The following SPAG16 variants were observed in gnomAD, a reference collection of about 807,000 sequenced individuals.
The protein encoded by SPAG16 is sperm associated antigen 16.
In SPAG16, 86 loss-of-function variants were observed where a neutral mutation model predicts 80.4. That is an observed-to-expected ratio of 1.07 (90% confidence interval 0.90 to 1.28). The LOEUF is 1.28. Among genes scored for constraint, SPAG16 ranks in the 50% most tolerant of loss-of-function variants. The probability of loss-of-function intolerance (pLI) is 0.00; values close to 1 mark genes in which losing one functional copy is unlikely to be tolerated. For synonymous variants in SPAG16, 294 were observed against 265.9 expected (o/e 1.11, Z -1.03); for missense variants, 870 against 765.3 (o/e 1.14, Z -1.61).
chr2:213,952,931 C>A (rs2043927366), intron 12 of SPAG16, among the ~76,000 whole-genome samples: 2 of 152,048 alleles, frequency 1.3e-5, no homozygotes, highest in South Asian at 4.1e-4. Context: ...CACCAGATAT[C>A]TTAAAATCTC....
intron 9 of SPAG16, among the ~76,000 whole-genome samples, chr2:213,465,402 CTG>C: frequency 6.6e-6 from 1 of 152,106 alleles, no homozygotes; most frequent in Non-Finnish European, 1.5e-5. Flanking sequence ...AAAAGAAATT[CTG>C]TCTGTAAAGA....
intron 15 of SPAG16, among the ~76,000 whole-genome samples, chr2:214,191,152 T>C (rs1447767452): frequency 6.6e-6 from 1 of 152,008 alleles, no homozygotes; most frequent in African/African-American, 2.4e-5. Flanking sequence ...GATCAATCAA[T>C]AGATGGACAG....
At chr2:214,293,267 A>G (rs1008691477) in intron 15 of SPAG16, among the ~76,000 whole-genome samples, 10 of 152,120 alleles carry the variant, frequency 6.6e-5, no homozygotes, top group Non-Finnish European at 1.5e-4. Context: ...TGGAACACCA[A>G]TTCATGTTGG....
At chr2:214,057,857 T>C (rs2050027996) in intron 13 of SPAG16, among the ~76,000 whole-genome samples, 1 of 152,196 alleles carries the variant, frequency 6.6e-6, no homozygotes, top group African/African-American at 2.4e-5. Flanking sequence ...CTTTATGTTA[T>C]GGAGATGGCT....
intron 5 of SPAG16, among the ~76,000 whole-genome samples, chr2:213,339,397 TGAG>T (rs1250873138): frequency 6.6e-6 from 1 of 152,230 alleles, no homozygotes; most frequent in Admixed American, 6.5e-5. Flanking sequence ...TATCTGAGGC[TGAG>T]AACTACTTTT....
At chr2:213,693,663 G>C (rs2065038370) in intron 10 of SPAG16, among the ~76,000 whole-genome samples, 1 of 152,152 alleles carries the variant, frequency 6.6e-6, no homozygotes, top group Non-Finnish European at 1.5e-5. Flanking sequence ...ACTAAGTCAA[G>C]TCAACAGTGG....
At chr2:213,416,390 T>C (rs905812330) in intron 9 of SPAG16, among the ~76,000 whole-genome samples, 1 of 152,120 alleles carries the variant, frequency 6.6e-6, no homozygotes, top group East Asian at 1.9e-4. Flanking sequence ...AACCTACTTT[T>C]AGGAGCCAAA....
At chr2:213,684,650 T>C (rs1198981202) in intron 10 of SPAG16, among the ~76,000 whole-genome samples, 3 of 152,210 alleles carry the variant, frequency 2.0e-5, no homozygotes, top group Non-Finnish European at 2.9e-5. Context: ...CCCTCATGAC[T>C]TTTCCGCTCT....
At chr2:213,881,043 T>C (rs2076323991) in intron 11 of SPAG16, among the ~76,000 whole-genome samples, 1 of 152,208 alleles carries the variant, frequency 6.6e-6, no homozygotes, top group Non-Finnish European at 1.5e-5. Context: ...GCATTGAATC[T>C]GTAAATTGCT....
intron 10 of SPAG16, among the ~76,000 whole-genome samples, chr2:213,758,597 A>G (rs2068473518): frequency 6.6e-6 from 1 of 152,192 alleles, no homozygotes; most frequent in African/African-American, 2.4e-5. Flanking sequence ...TTGAGCAAGC[A>G]AAGGAAACAG....
At chr2:214,313,173 AATT>A (rs550467297) in intron 15 of SPAG16, among the ~76,000 whole-genome samples, 165 of 152,280 alleles carry the variant, frequency 1.1e-3, no homozygotes, top group African/African-American at 3.8e-3. Flanking sequence ...GTGAAATTGA[AATT>A]ATTATTTACC....
chr2:213,873,927 A>C (rs2076044492), intron 11 of SPAG16, among the ~76,000 whole-genome samples: 1 of 152,186 alleles, frequency 6.6e-6, no homozygotes, highest in African/African-American at 2.4e-5. Flanking sequence ...CATAGACTAT[A>C]CAGACTATAG....
chr2:213,976,145 C>CAT (rs2045377677), intron 12 of SPAG16, among the ~76,000 whole-genome samples: 1 of 138,214 alleles, frequency 7.2e-6, no homozygotes, highest in African/African-American at 2.6e-5. Flanking sequence ...TACACACACA[C>CAT]ACACACACAC....
intron 15 of SPAG16, among the ~76,000 whole-genome samples, chr2:214,360,313 A>C (rs1699102997): frequency 6.6e-6 from 1 of 151,944 alleles, no homozygotes; most frequent in South Asian, 2.1e-4. Context: ...TTCTATATTT[A>C]AGCAAGTCTC....
chr2:213,459,955 C>T (rs115807246), intron 9 of SPAG16, among the ~76,000 whole-genome samples: 2,205 of 151,468 alleles, frequency 0.015, 25 homozygotes, highest in South Asian at 0.039. Context: ...ATTTTACCCC[C>T]ACTGAATAAT....
chr2:214,306,188 G>T (rs1208522053), intron 15 of SPAG16, among the ~76,000 whole-genome samples: 3 of 152,072 alleles, frequency 2.0e-5, no homozygotes, highest in Non-Finnish European at 4.4e-5. Context: ...GACTGTTGTT[G>T]GTGTATTGGA....
At chr2:213,943,918 T>C (rs994125288) in intron 12 of SPAG16, among the ~76,000 whole-genome samples, 1 of 152,158 alleles carries the variant, frequency 6.6e-6, no homozygotes, top group African/African-American at 2.4e-5. Flanking sequence ...CAAAATGGAA[T>C]AAAATGAAGA....
chr2:213,646,506 T>C (rs1202563764), intron 10 of SPAG16, among the ~76,000 whole-genome samples: 2 of 152,204 alleles, frequency 1.3e-5, no homozygotes, highest in African/African-American at 2.4e-5. Context: ...AGTAAACATA[T>C]ATGAAGACAT....
intron 15 of SPAG16, among the ~76,000 whole-genome samples, chr2:214,305,700 C>A (rs1694864888): frequency 6.6e-6 from 1 of 152,052 alleles, no homozygotes; most frequent in Non-Finnish European, 1.5e-5. Flanking sequence ...AGTCTTATTT[C>A]TTGGTTCTTG....
Sources: allele counts gnomAD v4.1 joint callset (sites outside exome capture counted in the v4.1 genomes callset), GRCh38; gene constraint gnomAD v4.1.1; transcripts MANE v1.5; gene names NCBI Gene and HGNC (gene_info 2026-07-23, HGNC 2026-07-21).